The following DAB2IP variants were observed in gnomAD, a reference collection of about 807,000 sequenced individuals.
The protein encoded by DAB2IP is disabled homolog 2-interacting protein.
A neutral mutation model predicts 107.2 loss-of-function variants in DAB2IP; 28 were observed. The observed-to-expected ratio is 0.26, with a 90% CI of 0.19 to 0.36. DAB2IP has a LOEUF of 0.36. Among genes scored for constraint, DAB2IP ranks in the 10% least tolerant of loss-of-function variants. The pLI is 1.00. For synonymous variants in DAB2IP, 755 were observed against 706.4 expected, an observed-to-expected ratio of 1.07 and a Z score of -1.09; for missense variants, 1,400 against 1,644.7, an observed-to-expected ratio of 0.85 and a Z score of 2.57.
chr9:121,768,661 G>T, intron 10 of DAB2IP, 28 bp downstream of exon 10: 1 of 1,611,238 alleles, frequency 6.2e-7, no homozygotes. Context: ...GCGGAGGTGG[G>T]GCCAAAAGCT....
At chr9:121,585,566 C>A (rs1485575656) in intron 1 of DAB2IP, among the ~76,000 whole-genome samples, 10 of 152,100 alleles carry the variant, frequency 6.6e-5, no homozygotes, top group Non-Finnish European at 1.5e-4. Flanking sequence ...TAAAAGAGTG[C>A]ACAAGATTGG....
chr9:121,593,428 C>T (rs1313115236), intron 1 of DAB2IP, among the ~76,000 whole-genome samples: 1 of 151,946 alleles, frequency 6.6e-6, no homozygotes. Context: ...CTACCGTGCT[C>T]GGCTAATTGT....
At chr9:121,680,311 CCTT>C (rs1828517317) in intron 2 of DAB2IP, among the ~76,000 whole-genome samples, 2 of 152,246 alleles carry the variant, frequency 1.3e-5, no homozygotes, top group South Asian at 2.1e-4. Flanking sequence ...AGCTTATTGT[CCTT>C]CTTTAAGATT....
intron 1 of DAB2IP, among the ~76,000 whole-genome samples, chr9:121,656,858 C>T (rs1832991993): frequency 6.6e-6 from 1 of 152,214 alleles, no homozygotes; most frequent in African/African-American, 2.4e-5. Context: ...ATGGTGGAGC[C>T]CAGCTCTGCC....
At chr9:121,588,860 AACCC>A (rs914193733) in intron 1 of DAB2IP, among the ~76,000 whole-genome samples, 1 of 151,652 alleles carries the variant, frequency 6.6e-6, no homozygotes, top group Non-Finnish European at 1.5e-5. Flanking sequence ...CAGCAGAGGC[AACCC>A]CCAAGAGCTA....
intron 1 of DAB2IP, among the ~76,000 whole-genome samples, chr9:121,571,831 G>T (rs1829950412): frequency 6.6e-6 from 1 of 152,118 alleles, no homozygotes; most frequent in Non-Finnish European, 1.5e-5. Context: ...AGACACAGCT[G>T]CAGCGAGGAG....
intron 3 of DAB2IP, among the ~76,000 whole-genome samples, chr9:121,714,726 TC>T (rs1002420256): frequency 5.3e-5 from 8 of 152,216 alleles, no homozygotes; most frequent in African/African-American, 1.9e-4. Flanking sequence ...AGTGCAATTG[TC>T]CTACAGGTGA....
At chr9:121,774,351 G>A in exon 13 of DAB2IP, 5 of 1,613,170 alleles carry the variant, frequency 3.1e-6, no homozygotes, top group Non-Finnish European at 4.2e-6. Context: ...GAGGGCCTGG[G>A]CCCAGACCCC....
exon 16 of DAB2IP, chr9:121,783,126 C>T (rs1269847549): frequency 2.6e-6 from 2 of 773,498 alleles, no homozygotes; most frequent in South Asian, 4.6e-5. Context: ...AGGATTCCTA[C>T]CCACCCACCC....
exon 16 of DAB2IP, chr9:121,783,468 T>TAAAA: frequency 6.2e-7 from 1 of 1,613,562 alleles, no homozygotes; most frequent in South Asian, 1.1e-5. Flanking sequence ...AGTGATGGTT[T>TAAAA]AAAAAAAGAT....
At chr9:121,624,875 G>C (rs1350867567) in intron 1 of DAB2IP, among the ~76,000 whole-genome samples, 3 of 152,228 alleles carry the variant, frequency 2.0e-5, no homozygotes, top group Non-Finnish European at 4.4e-5. Context: ...ATTTAACACA[G>C]TGCCAGGAAC....
chr9:121,692,811 C>T (rs1829228449), intron 2 of DAB2IP, among the ~76,000 whole-genome samples: 1 of 152,118 alleles, frequency 6.6e-6, no homozygotes, highest in Non-Finnish European at 1.5e-5. Context: ...TGGTGCATAC[C>T]CTTGAGGGGA....
At chr9:121,580,656 G>A (rs1273260900) in intron 1 of DAB2IP, among the ~76,000 whole-genome samples, 2 of 151,252 alleles carry the variant, frequency 1.3e-5, no homozygotes, top group Non-Finnish European at 2.9e-5. Flanking sequence ...ATGGAGTCTC[G>A]CTCTGTTGCC....
chr9:121,571,062 C>A (rs150999696), intron 1 of DAB2IP, among the ~76,000 whole-genome samples: 4 of 152,066 alleles, frequency 2.6e-5, no homozygotes, highest in Admixed American at 2.0e-4. Context: ...CTGTCTCCCC[C>A]CAGGGCCTTT....
At chr9:121,723,070 C>T (rs1831030986) in intron 3 of DAB2IP, among the ~76,000 whole-genome samples, 1 of 152,234 alleles carries the variant, frequency 6.6e-6, no homozygotes, top group African/African-American at 2.4e-5. Context: ...CTGAGGGAGC[C>T]TAGCTGCCAT....
intron 1 of DAB2IP, among the ~76,000 whole-genome samples, chr9:121,630,815 C>T (rs1354083395): frequency 1.3e-5 from 2 of 152,178 alleles, no homozygotes; most frequent in East Asian, 3.9e-4. Flanking sequence ...ACCATGTTGG[C>T]CAGGCTGGTC....
At chr9:121,651,282 G>A (rs1453583194), upstream of DAB2IP, among the ~76,000 whole-genome samples, 2 of 152,218 alleles carry the variant, frequency 1.3e-5, no homozygotes. This position sits in a 1 kb window ranked among gnomAD's most constrained non-coding sequence, Gnocchi z 5.1. Context: ...GGGCAGGAAC[G>A]GACCCTAATT....
intron 11 of DAB2IP, among the ~76,000 whole-genome samples, chr9:121,771,714 G>A (rs188740212): frequency 3.3e-5 from 5 of 152,114 alleles, no homozygotes; most frequent in African/African-American, 4.8e-5. Context: ...ACTGCTCTCC[G>A]TCTTTCCTGG....
chr9:121,626,090 G>C (rs1831636850), intron 1 of DAB2IP, among the ~76,000 whole-genome samples: 1 of 152,174 alleles, frequency 6.6e-6, no homozygotes, highest in African/African-American at 2.4e-5. Context: ...ACTAAGAAGG[G>C]CAGGCAGAAT....
Sources: allele counts gnomAD v4.1 joint callset (sites outside exome capture counted in the v4.1 genomes callset), GRCh38; gene constraint gnomAD v4.1.1; non-coding constraint Gnocchi (gnomAD v3.1); transcripts MANE v1.5; gene names NCBI Gene and HGNC (gene_info 2026-07-23, HGNC 2026-07-21).